DNM1: variants seen among roughly 807,000 people sequenced by gnomAD.
The protein encoded by DNM1 is dynamin-1.
In DNM1, 29 loss-of-function variants were observed where a neutral mutation model predicts 104.6. The observed-to-expected ratio is 0.28, with a 90% CI of 0.21 to 0.38. DNM1 has a LOEUF of 0.38. Among genes scored for constraint, DNM1 ranks in the 10% least tolerant of loss-of-function variants. DNM1 has a pLI of 1.00. For missense variants in DNM1, 640 were observed against 1,189.4 expected (o/e 0.54, Z 6.79); for synonymous variants, 445 against 475.8 (o/e 0.94, Z 0.84).
chr9:128,221,087 CTCTTTCTT>C (rs923477724), intron 6 of DNM1: 9 of 134,602 alleles, frequency 6.7e-5, no homozygotes, highest in South Asian at 4.7e-4. Context: ...CTCTCTTTCT[CTCTTTCTT>C]TCTTTCTCTC....
intron 10 of DNM1, chr9:128,232,726 G>T (rs1380769161): frequency 1.3e-5 from 2 of 152,496 alleles, no homozygotes; most frequent in African/African-American, 2.4e-5. Context: ...CCACCGCGTG[G>T]AGAGGGTGGG....
At chr9:128,219,546 G>A (rs531300675) in intron 4 of DNM1, among the ~76,000 whole-genome samples, 35 of 152,264 alleles carry the variant, frequency 2.3e-4, no homozygotes, top group African/African-American at 7.9e-4. Flanking sequence ...GTGCACGCTT[G>A]TGGTCCCAGC....
chr9:128,228,182 C>T (rs915655594), intron 10 of DNM1, among the ~76,000 whole-genome samples: 23 of 152,108 alleles, frequency 1.5e-4, no homozygotes, highest in African/African-American at 5.3e-4. Context: ...GCTGGGATTA[C>T]AGGCTCCTCC....
chr9:128,219,059 G>A lies in DNM1; in HGVS notation c.396G>A (p.Leu132=). The A allele has an allele frequency of 6.2e-7, 1 of 1,613,980 alleles. No homozygotes were observed. Among genetic ancestry groups the A allele is most frequent in the Non-Finnish European group, 8.5e-7 (1 of 1,180,038 alleles). Residue 132 remains leucine, a synonymous_variant, in exon 4 of 22, where the codon CTG becomes CTA. Transcript: ENST00000372923. Reference sequence around the variant, plus strand: ...CGCCGCCCTGTCCAGTGCTGAACCTGACCCTGGTGGACCTGCCCGGAATGA... The same window carrying A: ...CGCCGCCCTGTCCAGTGCTGAACCTAACCCTGGTGGACCTGCCCGGAATGA... ...LRVYSPHVLN[L]TLVDLPGMTK...
chr9:128,212,686 G>C (rs1834371718), intron 1 of DNM1, among the ~76,000 whole-genome samples: 2 of 152,186 alleles, frequency 1.3e-5, no homozygotes, highest in African/African-American at 4.8e-5. Context: ...TTTCTTCCCT[G>C]TAACATGGAG....
chr9:128,250,605 G>T (rs1205810626), intron 20 of DNM1, 120 bp from the exon 21 acceptor site: 1 of 1,042,678 alleles, frequency 9.6e-7, no homozygotes, highest in Non-Finnish European at 1.3e-6. Flanking sequence ...CGCCTTAGGG[G>T]TGCGGCAGGG....
rs1554773952 is a variant in DNM1, at chr9:128,220,933, C to CT, written c.849+596dup. On this transcript the variant is annotated intron_variant, in intron 6 of 21. Coordinates refer to ENST00000372923, the MANE Select transcript of DNM1 (RefSeq NM_004408.4). This position sits in a 1 kb window ranked among gnomAD's most constrained non-coding sequence, Gnocchi z 5.2. ...TCTTTCTTTCTTTCTTTCTTTCTTT[C>CT]TTTTCTTTTCTTTCTTTCTTTCCTT... Among the ~76,000 whole-genome samples the CT allele has an allele frequency of 1.2e-5, 1 of 86,396 alleles. No homozygotes were observed. Among genetic ancestry groups the CT allele is most frequent in the Non-Finnish European group, 2.6e-5 (1 of 38,596 alleles). The allele number at this position is 86,396 out of a possible 152,430, so 56.7% of individuals were successfully genotyped here.
chr9:128,252,811 T>A lies in DNM1; in HGVS notation c.2535-1843T>A, dbSNP rs933063432. Reference sequence around the variant, plus strand: ...ATGCCTCTGTGTGCGGGTGAGCTTCTGTGTTGTGACTCTGCCCACACGTGT... The same window carrying A: ...ATGCCTCTGTGTGCGGGTGAGCTTCAGTGTTGTGACTCTGCCCACACGTGT... On this transcript the variant is annotated intron_variant, in intron 21 of 21. Transcript: ENST00000372923. 4.5e-6 allele frequency: 3 copies of A among 660,584 alleles called. No individual in the cohort carries two copies. In the African/African-American group the frequency reaches 5.3e-5, roughly 12 times the overall value. 40.9% of individuals were successfully genotyped at this position (660,584 alleles called of 1,614,324 possible). A position where few individuals can be genotyped will look rare whatever the true frequency, so the allele number is the denominator to read the frequency against.
chr9:128,213,393 C>A (rs1483910612), intron 1 of DNM1, among the ~76,000 whole-genome samples: 1 of 145,082 alleles, frequency 6.9e-6, no homozygotes, highest in Non-Finnish European at 1.5e-5. Flanking sequence ...TTTTCTGAAT[C>A]TTTTAAAATG....
At chr9:128,233,024 G>A (rs986422419) in intron 10 of DNM1, among the ~76,000 whole-genome samples, 5 of 152,212 alleles carry the variant, frequency 3.3e-5, no homozygotes, top group Admixed American at 2.0e-4. Flanking sequence ...TCAAGCAGTC[G>A]GGGCAGGCTT....
At position 128,218,901 on chromosome 9, in the gene DNM1, A is replaced by ACT; in HGVS notation, c.386-147_386-146insTC. The ACT allele has an allele frequency of 7.8e-7, 1 of 1,277,766 alleles. No individual in the cohort carries two copies. The highest frequency in any genetic ancestry group is 1.1e-6 in the Non-Finnish European group (1 of 932,450). The allele number at this position is 1,277,766 out of a possible 1,614,324, so 79.2% of individuals were successfully genotyped here. ...CCGCCCACTTCCGGCCACGCCTCCA[A>ACT]CAGACTGCCACTTTCGCCCTGAGAT... On this transcript the variant is annotated intron_variant, in intron 3 of 21. Transcript: ENST00000372923. This position sits in a 1 kb window ranked among gnomAD's most constrained non-coding sequence, Gnocchi z 4.8.
Position 128,218,947 on chromosome 9 carries a change from C to T in DNM1, c.386-102C>T. ...GAGATTTCCTAGTCCCACCCACCTG[C>T]CACCCTGCTCCCAAGCAGCTTCTCT... On this transcript the variant is annotated intron_variant, in intron 3 of 21. Transcript: ENST00000372923. This position sits in a 1 kb window ranked among gnomAD's most constrained non-coding sequence, Gnocchi z 4.8. 4.3e-6 allele frequency: 6 copies of T among 1,394,070 alleles called. No individual in the cohort carries two copies. The highest frequency in any genetic ancestry group is 5.9e-6 in the Non-Finnish European group (6 of 1,016,836). The allele number at this position is 1,394,070 out of a possible 1,614,324, so 86.4% of individuals were successfully genotyped here.
intron 13 of DNM1, 23 bp downstream of exon 13, chr9:128,239,802 G>T: frequency 6.2e-7 from 1 of 1,609,932 alleles, no homozygotes; most frequent in Non-Finnish European, 8.5e-7. Flanking sequence ...CAGCACCCCA[G>T]CCCGAGGGAT....
Position 128,254,439 on chromosome 9 carries a change from C to A in DNM1, c.2535-215C>A. The A allele has an allele frequency of 2.7e-6, 4 of 1,461,806 alleles. No individual in the cohort carries two copies. The highest frequency in any genetic ancestry group is 3.6e-6 in the Non-Finnish European group (4 of 1,115,068). 90.6% of individuals were successfully genotyped at this position (1,461,806 alleles called of 1,614,324 possible). On this transcript the variant is annotated intron_variant, in intron 21 of 21. Transcript: ENST00000372923. This position sits in a 1 kb window ranked among gnomAD's most constrained non-coding sequence, Gnocchi z 6.1. Reference sequence around the variant, plus strand: ...GGCCGCCACAGCCCCCAGGCGCTATCTGTGAAGCTACGGCTCCTCCCTCCA... The same window carrying A: ...GGCCGCCACAGCCCCCAGGCGCTATATGTGAAGCTACGGCTCCTCCCTCCA...
At chr9:128,214,063 C>A (rs1027941147) in intron 1 of DNM1, among the ~76,000 whole-genome samples, 2 of 152,090 alleles carry the variant, frequency 1.3e-5, no homozygotes, top group South Asian at 4.1e-4. Flanking sequence ...CTGCCCACCC[C>A]CCTTGCCTTC....
Position 128,254,560 on chromosome 9 carries a change from C to A in DNM1, c.2535-94C>A. ...CCCGGCCCTCCCACCACTGCTGCGG[C>A]GCGGCCGGCCCCGGCCGTGTGCTGC... On this transcript the variant is annotated intron_variant, in intron 21 of 21. Coordinates refer to ENST00000372923, the MANE Select transcript of DNM1 (RefSeq NM_004408.4). The surrounding 1 kb of genome is among the most constrained non-coding windows in gnomAD (Gnocchi z 6.1). The A allele has an allele frequency of 6.3e-7, 1 of 1,582,848 alleles. No individual in the cohort carries two copies. The highest frequency in any genetic ancestry group is 8.5e-7 in the Non-Finnish European group (1 of 1,172,742).
Position 128,248,051 on chromosome 9 carries a change from A to G in DNM1, c.1905+116A>G, listed in dbSNP as rs1836934795. On this transcript the variant is annotated intron_variant, in intron 18 of 21. Coordinates refer to ENST00000372923, the MANE Select transcript of DNM1 (RefSeq NM_004408.4). This position sits in a 1 kb window ranked among gnomAD's most constrained non-coding sequence, Gnocchi z 5.6. Reference sequence around the variant, plus strand: ...CTTTTCTAATTTCTGGATTGGGGCCAGGCGCAGTGGCTCACACCTGTAAAC... The same window carrying G: ...CTTTTCTAATTTCTGGATTGGGGCCGGGCGCAGTGGCTCACACCTGTAAAC... 1 of 1,421,914 alleles carries G rather than the reference A, an allele frequency of 7.0e-7. No homozygotes were observed. Among genetic ancestry groups the G allele is most frequent in the South Asian group, 1.1e-5 (1 of 87,190 alleles). The allele number at this position is 1,421,914 out of a possible 1,614,324, so 88.1% of individuals were successfully genotyped here.
intron 4 of DNM1, among the ~76,000 whole-genome samples, 187 bp downstream of exon 4, chr9:128,219,439 C>T (rs1045037892): frequency 6.8e-6 from 1 of 147,446 alleles, no homozygotes; most frequent in Non-Finnish European, 1.5e-5. Context: ...GAGGCCAAGC[C>T]GGGAGGATTG....
rs997497962 is a variant in DNM1 at position 128,245,452 on chromosome 9, C to A, written c.1672-942C>A. Among the ~76,000 whole-genome samples, 1 of 152,030 alleles carries A rather than the reference C, an allele frequency of 6.6e-6. No individual in the cohort carries two copies. The highest frequency in any genetic ancestry group is 2.4e-5 in the African/African-American group (1 of 41,360). ...CAAAAACCCCTCCCCTCTCCCAGAG[C>A]CCCATCCTGGGGTACCTCCTCCCTA... On this transcript the variant is annotated intron_variant, in intron 15 of 21. Transcript: ENST00000372923. This position sits in a 1 kb window ranked among gnomAD's most constrained non-coding sequence, Gnocchi z 5.2.
Sources: gnomAD v4.1 joint callset for allele counts (sites outside exome capture counted in the v4.1 genomes callset) on GRCh38, gnomAD v4.1.1 for gene constraint, Gnocchi (gnomAD v3.1) non-coding constraint, MANE v1.5 for transcripts, NCBI Gene and HGNC (gene_info 2026-07-23, HGNC 2026-07-21) for gene names.